The following USP12 variants were observed in gnomAD, a reference collection of about 807,000 sequenced individuals.
USP12 encodes ubiquitin specific peptidase 12, also known as ubiquitin carboxyl-terminal hydrolase 12.
USP12 carries 19 observed loss-of-function variants against 45.5 expected under a neutral mutation model. The observed-to-expected ratio is 0.42, with a 90% confidence interval of 0.29 to 0.61. USP12 has a LOEUF of 0.61. USP12 is among the 20% of genes least tolerant of loss of function. The probability of loss-of-function intolerance (pLI) is 0.22; values close to 1 mark genes in which losing one functional copy is unlikely to be tolerated. For missense variants in USP12, 242 were observed against 447.7 expected, an observed-to-expected ratio of 0.54 and a Z score of 4.15; for synonymous variants, 149 against 148.8, an observed-to-expected ratio of 1.00 and a Z score of -0.01.
chr13:27,168,078 C>G (rs1479233087), intron 1 of USP12, among the ~76,000 whole-genome samples: 4 of 152,222 alleles, frequency 2.6e-5, no homozygotes, highest in African/African-American at 9.6e-5. Flanking sequence ...GTGCTAGGCA[C>G]AGGCTTTCTC....
intron 1 of USP12, among the ~76,000 whole-genome samples, chr13:27,141,216 T>C (rs1010556263): frequency 4.6e-5 from 7 of 152,092 alleles, no homozygotes; most frequent in Non-Finnish European, 8.8e-5. Context: ...GGTTTCACCA[T>C]ATTGGCCAGG....
chr13:27,163,102 G>T (rs1358063763), intron 1 of USP12, among the ~76,000 whole-genome samples: 9 of 151,914 alleles, frequency 5.9e-5, no homozygotes, highest in African/African-American at 2.2e-4. Flanking sequence ...AAAAATACAA[G>T]CAAATTTTGA....
chr13:27,094,227 A>G (rs1445459224), intron 4 of USP12, among the ~76,000 whole-genome samples: 2 of 150,542 alleles, frequency 1.3e-5, no homozygotes, highest in African/African-American at 2.4e-5. Context: ...AAACTGGCCC[A>G]GCACGGTGGA....
chr13:27,171,570 CCG>C lies in USP12; in HGVS notation c.48+20_48+21del. 1 of 1,243,424 alleles carries C rather than the reference CCG, an allele frequency of 8.0e-7. No homozygotes were observed. The highest frequency in any genetic ancestry group is 1.4e-5 in the South Asian group (1 of 69,780). The allele number at this position is 1,243,424 out of a possible 1,614,324, so 77.0% of individuals were successfully genotyped here. ...GCCCGAGAGGTCCCGGCAGCCCCGGCCGCCCGCTCGCCGCCACCTACCATGGT... is the reference window on the plus strand; with the variant it reads ...GCCCGAGAGGTCCCGGCAGCCCCGGCCCCGCTCGCCGCCACCTACCATGGT... On this transcript the variant is annotated intron_variant, in intron 1 of 8. Transcript: ENST00000282344.
intron 3 of USP12, among the ~76,000 whole-genome samples, chr13:27,104,926 C>T (rs9579070): frequency 0.11 from 16,247 of 152,188 alleles, 1,113 homozygotes; most frequent in Middle Eastern, 0.23. Context: ...TAAACAAAAG[C>T]CAGAATTCTA....
chr13:27,075,718 G>A (rs1179362539), intron 6 of USP12, among the ~76,000 whole-genome samples: 1 of 152,096 alleles, frequency 6.6e-6, no homozygotes, highest in Admixed American at 6.6e-5. Context: ...AAGGCTAAAT[G>A]CACGGGGTGC....
intron 1 of USP12, among the ~76,000 whole-genome samples, chr13:27,138,226 T>C (rs1247068625): frequency 1.3e-5 from 2 of 152,224 alleles, no homozygotes; most frequent in Non-Finnish European, 2.9e-5. Flanking sequence ...TCCATTTAAC[T>C]ATAAACTTTT....
chr13:27,120,741 A>T (rs1035068717), intron 1 of USP12, among the ~76,000 whole-genome samples: 1 of 152,154 alleles, frequency 6.6e-6, no homozygotes, highest in Non-Finnish European at 1.5e-5. Flanking sequence ...TTCTGTCCCC[A>T]TTTTTGTAAC....
intron 6 of USP12, chr13:27,077,281 TC>T (rs1356046843): frequency 1.3e-5 from 2 of 152,218 alleles, no homozygotes; most frequent in African/African-American, 4.8e-5. Flanking sequence ...CAACAAGGTA[TC>T]CTTTGAGAAT....
At chr13:27,080,295 T>C (rs76400875) in intron 6 of USP12, among the ~76,000 whole-genome samples, 7,122 of 152,322 alleles carry the variant, frequency 0.047, 189 homozygotes, top group Admixed American at 0.077. Flanking sequence ...ATTGCTGATA[T>C]GATTTTGACA....
At chr13:27,120,491 A>T (rs1249899113) in intron 1 of USP12, among the ~76,000 whole-genome samples, 1 of 152,052 alleles carries the variant, frequency 6.6e-6, no homozygotes, top group African/African-American at 2.4e-5. Context: ...CATCTCTATT[A>T]AAAATACAAA....
intron 1 of USP12, among the ~76,000 whole-genome samples, chr13:27,145,154 T>C (rs1877255903): frequency 6.6e-6 from 1 of 152,198 alleles, no homozygotes; most frequent in Non-Finnish European, 1.5e-5. Context: ...CCTCCTTTCC[T>C]TCCAAATCGC....
At chr13:27,134,490 T>TC (rs1876696790) in intron 1 of USP12, among the ~76,000 whole-genome samples, 1 of 152,076 alleles carries the variant, frequency 6.6e-6, no homozygotes, top group African/African-American at 2.4e-5. Context: ...GTAAGCTGTC[T>TC]CCCAAATCTG....
In USP12 at chr13:27,133,560, C is replaced by G. The variant is rs138191896; in HGVS notation, c.49-16964G>C. Among the ~76,000 whole-genome samples the G allele has an allele frequency of 5.9e-3, 873 of 147,562 alleles. 6 individuals carry two copies. The highest frequency in any genetic ancestry group is 0.021 in the African/African-American group (834 of 39,952). ...GGAGAATGGCATGAACCTGGGAGGG[C>G]GGAGCTTGCAGTGAGCCAATATCGC... is the stretch of plus-strand genomic sequence containing the variant. On this transcript the variant is annotated intron_variant, in intron 1 of 8. Transcript: ENST00000282344.
intron 2 of USP12, among the ~76,000 whole-genome samples, chr13:27,108,530 T>TAA (rs57854009): frequency 0.012 from 1,723 of 145,418 alleles, 64 homozygotes; most frequent in East Asian, 0.12. Flanking sequence ...ACTTAAAGCA[T>TAA]AAAAAAAAAA....
At chr13:27,087,251 A>ATGTGTGTGTG (rs55816785) in intron 6 of USP12, among the ~76,000 whole-genome samples, 3 of 143,946 alleles carry the variant, frequency 2.1e-5, no homozygotes, top group African/African-American at 7.9e-5. Flanking sequence ...GTGGGGAGGG[A>ATGTGTGTGTG]TGTGTGTGTG....
chr13:27,084,185 C>T lies in USP12; in HGVS notation c.734+5698G>A, dbSNP rs1288642260. 1.3e-3 allele frequency among the ~76,000 whole-genome samples: 196 copies of T among 149,670 alleles called. 1 individual carries two copies. The highest frequency in any genetic ancestry group is 4.5e-3 in the African/African-American group (185 of 40,918). The stretch of plus-strand genomic sequence containing the variant: ...ATGTTTGCATACACACACACACACA[C>T]ACACACACACACACACACACACACA... On this transcript the variant is annotated intron_variant, in intron 6 of 8. Coordinates refer to ENST00000282344, the MANE Select transcript of USP12 (RefSeq NM_182488.4).
chr13:27,116,311 C>CAA (rs10549775), intron 2 of USP12, among the ~76,000 whole-genome samples: 44 of 90,772 alleles, frequency 4.8e-4, no homozygotes, highest in Middle Eastern at 5.6e-3. Context: ...GACGCTGTCT[C>CAA]AAAAAAAAAA....
At chr13:27,145,103 G>T (rs1331363157) in intron 1 of USP12, among the ~76,000 whole-genome samples, 1 of 152,084 alleles carries the variant, frequency 6.6e-6, no homozygotes, top group Non-Finnish European at 1.5e-5. Flanking sequence ...CAAGTCTTGG[G>T]CTCTGTATCA....
Sources: allele counts gnomAD v4.1 joint callset (sites outside exome capture counted in the v4.1 genomes callset), GRCh38; gene constraint gnomAD v4.1.1; transcripts MANE v1.5; gene names NCBI Gene and HGNC (gene_info 2026-07-23, HGNC 2026-07-21).